FRMD8: variants seen among roughly 807,000 people sequenced by gnomAD.
FRMD8 encodes the protein FERM domain containing 8.
Under a neutral mutation model 54.2 loss-of-function variants are expected in FRMD8, and 37 were observed. The ratio of observed to expected loss-of-function variants is 0.68; its 90% confidence interval spans 0.53 to 0.90. FRMD8 has a LOEUF of 0.90. Among genes scored for constraint, FRMD8 ranks in the 40% least tolerant of loss-of-function variants. The pLI is 0.00. For missense variants in FRMD8, 585 were observed against 653.7 expected (o/e 0.89, Z 1.15); for synonymous variants, 246 against 286.9 (o/e 0.86, Z 1.44).
rs1856060632 is a variant in FRMD8, at chr11:65,400,825, G to A, written c.1029G>A (p.Glu343=). 16 of 1,612,762 alleles carry A rather than the reference G, an allele frequency of 9.9e-6. No homozygotes were observed. Among genetic ancestry groups the A allele is most frequent in the Non-Finnish European group, 1.4e-5 (16 of 1,179,558 alleles). ...ILWLEFDGDS[E]GTPVNKLLKI... ...GGCTGGAGTTCGACGGGGACAGCGA[G>A]GGCACACCTGTCAACAAGCTCCTCA... Residue 343 remains glutamate (E), a synonymous_variant, in exon 9 of 11, where the codon GAG becomes GAA. Coordinates refer to ENST00000317568, the MANE Select transcript of FRMD8 (RefSeq NM_031904.5). This position sits in a 1 kb window ranked among gnomAD's most constrained non-coding sequence, Gnocchi z 4.3.
chr11:65,397,188 C>T (rs2137895805), intron 7 of FRMD8, among the ~76,000 whole-genome samples, 168 bp downstream of exon 7: 1 of 151,868 alleles, frequency 6.6e-6, no homozygotes, highest in Middle Eastern at 3.4e-3. Context: ...GGGCACCTGT[C>T]CTCCCCTTCC....
chr11:65,405,019 G>C lies in FRMD8; in HGVS notation c.1227G>C (p.Val409=), dbSNP rs761091648. 6.2e-7 allele frequency: 1 copy of C among 1,613,296 alleles called. No individual in the cohort carries two copies. The highest frequency in any genetic ancestry group is 1.3e-5 in the African/African-American group (1 of 74,958). The change falls in exon 10 of 11, where the codon GTG becomes GTC. Residue 409 remains valine (V), a synonymous_variant. Transcript: ENST00000317568. ...CCAAGCTGCGGAGGCAGGGCAGTGTGGTGTCCAGCCGGATCCAGCATCTCT... is the reference window on the plus strand; with the variant it reads ...CCAAGCTGCGGAGGCAGGGCAGTGTCGTGTCCAGCCGGATCCAGCATCTCT... ...QRPKLRRQGS[V]VSSRIQHLST...
intron 7 of FRMD8, among the ~76,000 whole-genome samples, 191 bp downstream of exon 7, chr11:65,397,211 C>T (rs1325667950): frequency 2.6e-5 from 4 of 152,206 alleles, no homozygotes. Flanking sequence ...CTGTCAGGGG[C>T]TGGGACACCT....
At chr11:65,371,913 T>C in the FRMD8 span, among the ~76,000 whole-genome samples, 1 of 150,170 alleles carries the variant, frequency 6.7e-6, no homozygotes, top group South Asian at 2.1e-4. Flanking sequence ...GAAGCCCGGC[T>C]AAATTTTGTG....
the FRMD8 span, chr11:65,377,117 G>A: frequency 3.1e-6 from 5 of 1,591,516 alleles, no homozygotes; most frequent in Admixed American, 7.1e-5. Context: ...TGGGGCTTTG[G>A]GCTGGGAACT....
At chr11:65,407,228 CATTTATTT>C (rs66771671) in intron 10 of FRMD8, among the ~76,000 whole-genome samples, 123,549 of 146,908 alleles carry the variant, frequency 0.84, 52,753 homozygotes, top group East Asian at 0.96. Context: ...CAAAGATCTA[CATTTATTT>C]ATTTATTTAT....
chr11:65,388,528 G>T (rs893636431), intron 2 of FRMD8, among the ~76,000 whole-genome samples: 1 of 152,078 alleles, frequency 6.6e-6, no homozygotes, highest in South Asian at 2.1e-4. Flanking sequence ...GTTGGCCAGC[G>T]ACCAGGCAAG....
intron 10 of FRMD8, among the ~76,000 whole-genome samples, chr11:65,408,687 A>C (rs115244188): frequency 0.03 from 4,529 of 151,682 alleles, 275 homozygotes; most frequent in African/African-American, 0.1. Context: ...GTCAAGGCTC[A>C]CTGCAGCCTC....
chr11:65,371,171 G>A, the FRMD8 span, among the ~76,000 whole-genome samples: 1 of 152,152 alleles, frequency 6.6e-6, no homozygotes, highest in Non-Finnish European at 1.5e-5. Flanking sequence ...CCTTGGCTCA[G>A]CTGTTTCCTG....
chr11:65,382,534 C>G (rs1335886647), upstream of FRMD8: 1 of 155,238 alleles, frequency 6.4e-6, no homozygotes, highest in East Asian at 1.9e-4. This position sits in a 1 kb window ranked among gnomAD's most constrained non-coding sequence, Gnocchi z 4.4. Flanking sequence ...CCCGACTCCC[C>G]CGTGTGAGTC....
At chr11:65,371,836 G>A in the FRMD8 span, among the ~76,000 whole-genome samples, 5 of 152,010 alleles carry the variant, frequency 3.3e-5, no homozygotes, top group Admixed American at 1.3e-4. Context: ...GGATGGTCTC[G>A]ATCTCCTGAC....
intron 6 of FRMD8, 52 bp downstream of exon 6, chr11:65,394,477 T>C (rs766710347): frequency 5.1e-5 from 78 of 1,528,492 alleles, no homozygotes; most frequent in Middle Eastern, 1.8e-4. Context: ...GAGTTTGTCC[T>C]TGGAATGGAA....
intron 9 of FRMD8, among the ~76,000 whole-genome samples, chr11:65,402,666 G>A (rs1331487811): frequency 2.0e-5 from 3 of 152,126 alleles, no homozygotes; most frequent in African/African-American, 7.2e-5. Flanking sequence ...TATTGAGATC[G>A]CATTGATTAC....
the FRMD8 span, chr11:65,376,138 T>C: frequency 3.7e-6 from 2 of 541,698 alleles, no homozygotes. Flanking sequence ...CAGCACCACT[T>C]GCCAGCTCAC....
chr11:65,395,842 A>C (rs1855943061), intron 6 of FRMD8, among the ~76,000 whole-genome samples: 1 of 152,220 alleles, frequency 6.6e-6, no homozygotes, highest in Non-Finnish European at 1.5e-5. Flanking sequence ...GGTGACACAG[A>C]TGTTGCTCTG....
the FRMD8 span, among the ~76,000 whole-genome samples, chr11:65,374,216 T>G: frequency 7.0e-6 from 1 of 143,058 alleles, no homozygotes; most frequent in East Asian, 1.9e-4. Flanking sequence ...GAAGGAGAGC[T>G]CTGATGAGCA....
the FRMD8 span, chr11:65,375,105 C>G: frequency 6.6e-6 from 1 of 152,254 alleles, no homozygotes; most frequent in Admixed American, 6.6e-5. Flanking sequence ...AAAATGGGGG[C>G]TGGGAGGTTC....
chr11:65,368,069 G>GTTTTTTTTT, the FRMD8 span: 1 of 38,026 alleles, frequency 2.6e-5, no homozygotes, highest in Admixed American at 4.6e-4. Flanking sequence ...TTTTTTTGGT[G>GTTTTTTTTT]TTTTTTTTTT....
intron 3 of FRMD8, among the ~76,000 whole-genome samples, chr11:65,391,030 C>A (rs546686226): frequency 6.6e-6 from 1 of 152,276 alleles, no homozygotes; most frequent in South Asian, 2.1e-4. Context: ...TTTCCCCCGG[C>A]CCCTGCACCC....
Sources: gnomAD v4.1 joint callset for allele counts (sites outside exome capture counted in the v4.1 genomes callset) on GRCh38, gnomAD v4.1.1 for gene constraint, Gnocchi (gnomAD v3.1) non-coding constraint, MANE v1.5 for transcripts, NCBI Gene and HGNC (gene_info 2026-07-23, HGNC 2026-07-21) for gene names.